The following SOX5 variants were observed in gnomAD, a reference collection of about 807,000 sequenced individuals.
The protein encoded by SOX5 is transcription factor SOX-5.
Under a neutral mutation model 92.0 loss-of-function variants are expected in SOX5, and 9 were observed. The observed-to-expected ratio is 0.10, with a 90% CI of 0.06 to 0.17. The LOEUF is 0.17. SOX5 is among the 10% of genes least tolerant of loss of function. The pLI, the probability that SOX5 is intolerant of heterozygous loss-of-function variation, is 1.00. For missense variants in SOX5, 642 were observed against 944.5 expected (o/e 0.68, Z 4.20); for synonymous variants, 344 against 336.3 (o/e 1.02, Z -0.25).
intron 3 of SOX5, among the ~76,000 whole-genome samples, chr12:23,828,461 C>T (rs1393543031): frequency 1.3e-5 from 2 of 152,134 alleles, no homozygotes; most frequent in Non-Finnish European, 2.9e-5. Flanking sequence ...ATAAACTGCA[C>T]AAACTCAGAG....
chr12:24,208,078 C>G (rs1958206402), intron 4 of SOX5, among the ~76,000 whole-genome samples: 1 of 152,124 alleles, frequency 6.6e-6, no homozygotes, highest in Non-Finnish European at 1.5e-5. Flanking sequence ...CCTTAGCACT[C>G]TAGGAGGACA....
chr12:23,914,353 T>C (rs2097388381), intron 1 of SOX5, among the ~76,000 whole-genome samples: 1 of 152,164 alleles, frequency 6.6e-6, no homozygotes, highest in Non-Finnish European at 1.5e-5. Context: ...CCAGTTATAA[T>C]AGTAGTTGGA....
intron 3 of SOX5, among the ~76,000 whole-genome samples, chr12:24,231,470 C>T (rs1278202487): frequency 1.3e-5 from 2 of 152,154 alleles, no homozygotes; most frequent in African/African-American, 4.8e-5. Flanking sequence ...ACTGAAAATG[C>T]TATACAATCA....
chr12:23,781,665 ACTCT>A (rs140301844), intron 3 of SOX5, among the ~76,000 whole-genome samples: 2 of 143,706 alleles, frequency 1.4e-5, no homozygotes, highest in East Asian at 2.0e-4. Context: ...AATGTGTTGT[ACTCT>A]CTCTCTCTCT....
chr12:23,542,471 T>G (rs1942276937), intron 13 of SOX5, among the ~76,000 whole-genome samples: 1 of 152,176 alleles, frequency 6.6e-6, no homozygotes, highest in Non-Finnish European at 1.5e-5. Flanking sequence ...GGACCTGAAC[T>G]GGTCTATAAT....
chr12:24,267,811 A>T (rs1423586372), intron 3 of SOX5, among the ~76,000 whole-genome samples: 1 of 152,216 alleles, frequency 6.6e-6, no homozygotes, highest in African/African-American at 2.4e-5. Flanking sequence ...CAACAGAATG[A>T]TGCTTATGCA....
At chr12:23,940,745 TACACACACACACACAC>T (rs36124621) in intron 1 of SOX5, among the ~76,000 whole-genome samples, 5 of 139,666 alleles carry the variant, frequency 3.6e-5, no homozygotes, top group African/African-American at 5.3e-5. Context: ...AGATAAGTAT[TACACACACACACACAC>T]ACACACACAC....
intron 4 of SOX5, among the ~76,000 whole-genome samples, chr12:23,970,903 C>CA (rs1274296336): frequency 7.6e-6 from 1 of 131,492 alleles, no homozygotes; most frequent in African/African-American, 2.8e-5. Context: ...AATCCTTCCA[C>CA]CTCAGCCCTC....
chr12:23,883,910 T>G (rs1197486436), intron 2 of SOX5, among the ~76,000 whole-genome samples: 2 of 152,242 alleles, frequency 1.3e-5, no homozygotes, highest in African/African-American at 4.8e-5. Flanking sequence ...TCAGATTGAA[T>G]AATGATCTTT....
chr12:24,277,141 T>A (rs1944528345), intron 3 of SOX5: 1 of 151,916 alleles, frequency 6.6e-6, no homozygotes, highest in Non-Finnish European at 1.5e-5. Flanking sequence ...AGAGAAAGCA[T>A]ATAAACTTCC....
At chr12:23,693,547 T>G (rs2089279592) in intron 6 of SOX5, among the ~76,000 whole-genome samples, 2 of 152,356 alleles carry the variant, frequency 1.3e-5, no homozygotes, top group African/African-American at 4.8e-5. Context: ...TCCCAGATAT[T>G]TAAAATGCTT....
intron 1 of SOX5, among the ~76,000 whole-genome samples, chr12:23,947,634 T>C (rs1944812823): frequency 6.6e-6 from 1 of 151,714 alleles, no homozygotes; most frequent in South Asian, 2.1e-4. Flanking sequence ...ATGATAGTCA[T>C]ACTAACAACC....
At chr12:24,419,318 T>C (rs1015932659) in intron 1 of SOX5, among the ~76,000 whole-genome samples, 2 of 152,152 alleles carry the variant, frequency 1.3e-5, no homozygotes, top group Non-Finnish European at 1.5e-5. Context: ...TTTTGTATTT[T>C]AGTAGAGACA....
At chr12:24,005,879 C>T (rs543132724) in intron 4 of SOX5, among the ~76,000 whole-genome samples, 129 of 152,190 alleles carry the variant, frequency 8.5e-4, no homozygotes, top group Middle Eastern at 3.4e-3. Flanking sequence ...CATATATTTT[C>T]CGGGCTAGGA....
intron 1 of SOX5, among the ~76,000 whole-genome samples, chr12:24,509,950 A>C (rs1289050564): frequency 6.6e-6 from 1 of 152,236 alleles, no homozygotes; most frequent in African/African-American, 2.4e-5. Context: ...TTTATGGATA[A>C]ATTTCAAAAA....
chr12:24,180,566 GGGGTAT>G (rs1955377523), intron 4 of SOX5, among the ~76,000 whole-genome samples: 1 of 152,116 alleles, frequency 6.6e-6, no homozygotes, highest in Non-Finnish European at 1.5e-5. Flanking sequence ...TGACAGCAAT[GGGGTAT>G]GCAGTGCCCC....
At chr12:23,591,049 T>G (rs913293800) in intron 9 of SOX5, among the ~76,000 whole-genome samples, 2 of 151,848 alleles carry the variant, frequency 1.3e-5, no homozygotes, top group African/African-American at 4.8e-5. Context: ...TTAAAAAATC[T>G]TATTTCTTTT....
At chr12:24,196,592 G>C (rs561062770) in intron 4 of SOX5, among the ~76,000 whole-genome samples, 58 of 152,190 alleles carry the variant, frequency 3.8e-4, no homozygotes, top group African/African-American at 1.3e-3. Flanking sequence ...CTGCTTAAAA[G>C]TACCTCTCTT....
chr12:23,949,613 A>G lies in SOX5; in HGVS notation c.-12T>C. ...GGGTCAGTAAGCATGCTGGAAAAGCACAATTTCCCTTTGTCACAGCAGCCA... is the reference window on the plus strand; with the variant it reads ...GGGTCAGTAAGCATGCTGGAAAAGCGCAATTTCCCTTTGTCACAGCAGCCA... On this transcript the variant is annotated 5_prime_UTR_variant, in exon 1 of 15. Coordinates refer to ENST00000451604, the MANE Select transcript of SOX5 (RefSeq NM_006940.6). 6.2e-7 allele frequency: 1 copy of G among 1,613,760 alleles called. No individual in the cohort carries two copies. The highest frequency in any genetic ancestry group is 8.5e-7 in the Non-Finnish European group (1 of 1,179,702).
Sources: allele counts gnomAD v4.1 joint callset (sites outside exome capture counted in the v4.1 genomes callset), GRCh38; gene constraint gnomAD v4.1.1; transcripts MANE v1.5; gene names NCBI Gene and HGNC (gene_info 2026-07-23, HGNC 2026-07-21).